Variants in HCFC2 observed in about 807,000 individuals in gnomAD.
HCFC2 encodes the protein host cell factor 2.
Under a neutral mutation model 89.2 loss-of-function variants are expected in HCFC2, and 18 were observed. The observed-to-expected ratio is 0.20, with a 90% CI of 0.14 to 0.30. The LOEUF is 0.30. HCFC2 is among the 10% of genes least tolerant of loss of function. HCFC2 has a pLI of 1.00. For missense variants in HCFC2, 578 were observed against 956.1 expected, an observed-to-expected ratio of 0.60 and a Z score of 5.21; for synonymous variants, 308 against 335.7, an observed-to-expected ratio of 0.92 and a Z score of 0.90.
rs1486358022 is a variant in HCFC2 at position 104,106,254 on chromosome 12, T to C, written c.*2981T>C. 6.6e-6 allele frequency: 1 copy of C among 152,156 alleles called. No homozygotes were observed. Among genetic ancestry groups the C allele is most frequent in the Non-Finnish European group, 1.5e-5 (1 of 67,966 alleles). 9.4% of individuals were successfully genotyped at this position (152,156 alleles called of 1,614,324 possible). A position where few individuals can be genotyped will look rare whatever the true frequency, so the allele number is the denominator to read the frequency against. On this transcript the variant is annotated 3_prime_UTR_variant, in exon 15 of 15. Coordinates refer to ENST00000229330, the MANE Select transcript of HCFC2 (RefSeq NM_013320.3). ...AGCAAAGATTCATTCTGATTAGAAA[T>C]AAGGTCTATAGCTAAAGATATTTTT...
At chr12:104,074,500 T>G (rs998342846) in intron 3 of HCFC2, among the ~76,000 whole-genome samples, 3 of 152,152 alleles carry the variant, frequency 2.0e-5, no homozygotes, top group African/African-American at 7.2e-5. Context: ...TTTATTTTTC[T>G]CTCTTTTGAA....
chr12:104,072,481 T>C (rs1298174852), intron 3 of HCFC2, among the ~76,000 whole-genome samples: 1 of 152,122 alleles, frequency 6.6e-6, no homozygotes, highest in Non-Finnish European at 1.5e-5. Flanking sequence ...TAATATTGGG[T>C]CTGCCAATTC....
chr12:104,093,405 G>C lies in HCFC2; in HGVS notation c.1304G>C (p.Ser435Thr). Reference protein sequence around the residue: ...VPNSINDTINSTKTEQPATKE... With the variant: ...VPNSINDTINTTKTEQPATKE... ...TTGTAGATCAATGATACAATAAACA[G>C]CACAAAAACTGAACAGCCAGCCACA... Residue 435 changes from serine to threonine, a missense_variant, in exon 10 of 15, where the codon AGC (serine) becomes ACC (threonine). Transcript: ENST00000229330. 1.2e-6 allele frequency: 2 copies of C among 1,612,412 alleles called. No individual in the cohort carries two copies. Among genetic ancestry groups the C allele is most frequent in the Non-Finnish European group, 1.7e-6 (2 of 1,179,102 alleles).
At chr12:104,066,068 C>A in intron 1 of HCFC2, 99 bp from the exon 2 acceptor site, 1 of 1,182,514 alleles carries the variant, frequency 8.5e-7, no homozygotes. Context: ...CAGAATCATC[C>A]CCAGTTGAGA....
chr12:104,097,054 G>C (rs1397869198), intron 12 of HCFC2, among the ~76,000 whole-genome samples: 4 of 152,084 alleles, frequency 2.6e-5, no homozygotes, highest in Non-Finnish European at 5.9e-5. Context: ...TGCCAGGAAA[G>C]TGCCTTACAA....
chr12:104,099,249 G>A (rs897777653), intron 13 of HCFC2, among the ~76,000 whole-genome samples: 23 of 151,998 alleles, frequency 1.5e-4, no homozygotes, highest in African/African-American at 5.6e-4. Flanking sequence ...TACTAAGGGG[G>A]GATGGTGCTA....
chr12:104,098,666 A>G (rs1004921805), intron 13 of HCFC2, among the ~76,000 whole-genome samples, 186 bp downstream of exon 13: 5 of 152,230 alleles, frequency 3.3e-5, no homozygotes, highest in Non-Finnish European at 5.9e-5. Context: ...AGAATTCTGT[A>G]TACCAAATGT....
chr12:104,102,219 C>A, intron 14 of HCFC2, 66 bp downstream of exon 14: 2 of 1,370,546 alleles, frequency 1.5e-6, no homozygotes, highest in South Asian at 2.9e-5. Flanking sequence ...GTGAAGTAAA[C>A]TGTCAGTTTA....
chr12:104,090,449 G>A (rs1236983247), intron 9 of HCFC2, among the ~76,000 whole-genome samples: 2 of 151,850 alleles, frequency 1.3e-5, no homozygotes, highest in Admixed American at 6.6e-5. Context: ...CATTGTTCGG[G>A]AAACTCATGA....
At position 104,064,752 on chromosome 12, in the gene HCFC2, G is replaced by A. The variant is rs1457100619; in HGVS notation, c.163+29G>A. ...GGCGCGGCGGCGGCTCGTCGGCCCC[G>A]CCTGCTGGAGCTGCGGAGGGGGAGG... On this transcript the variant is annotated intron_variant, in intron 1 of 14. Coordinates refer to ENST00000229330, the MANE Select transcript of HCFC2 (RefSeq NM_013320.3). This position sits in a 1 kb window ranked among gnomAD's most constrained non-coding sequence, Gnocchi z 7.3. The A allele has an allele frequency of 1.9e-6, 3 of 1,541,596 alleles. No homozygotes were observed. The highest frequency in any genetic ancestry group is 2.4e-5 in the South Asian group (2 of 83,874).
chr12:104,072,813 T>G (rs1301188275), intron 3 of HCFC2, among the ~76,000 whole-genome samples: 1 of 151,518 alleles, frequency 6.6e-6, no homozygotes, highest in Non-Finnish European at 1.5e-5. Flanking sequence ...CAGCTAATTT[T>G]TTTTGTATTT....
In HCFC2 at chr12:104,072,764, T is replaced by A. The variant is rs376076907; in HGVS notation, c.473+4657T>A. Reference sequence around the variant, plus strand: ...TTCACGCCATTCTCCTGCCTCAGCCTCCCGAGTAGCTGGGACTACAGGCGC... The same window carrying A: ...TTCACGCCATTCTCCTGCCTCAGCCACCCGAGTAGCTGGGACTACAGGCGC... On this transcript the variant is annotated intron_variant, in intron 3 of 14. Coordinates refer to ENST00000229330, the MANE Select transcript of HCFC2 (RefSeq NM_013320.3). Among the ~76,000 whole-genome samples the A allele has an allele frequency of 1.1e-4, 17 of 152,084 alleles. 1 individual carries two copies. Among genetic ancestry groups the A allele is most frequent in the African/African-American group, 4.1e-4 (17 of 41,484 alleles).
rs150909028 is a variant in HCFC2, at chr12:104,067,989, C to T, written c.355C>T (p.Pro119Ser). The change falls in exon 3 of 15, where the codon CCT becomes TCT. Residue 119 changes from proline (P) to serine (S), a missense_variant. Around this residue, in one of 4 missense-constraint regions of HCFC2, gnomAD observed 206 missense variants for 419.2 expected, o/e 0.49. Coordinates refer to ENST00000229330, the MANE Select transcript of HCFC2 (RefSeq NM_013320.3). The part of the protein sequence containing the change: ...LWKKVKPHPP[P>S]SGLPPCPRLG... ...GAAAAAAGTGAAACCCCATCCCCCTCCTTCTGGTTTACCTCCTTGTCCTCG... is the reference window on the plus strand; with the variant it reads ...GAAAAAAGTGAAACCCCATCCCCCTTCTTCTGGTTTACCTCCTTGTCCTCG... 8,574 of 1,606,946 alleles carry T rather than the reference C, an allele frequency of 5.3e-3. 328 individuals are homozygous for T. The South Asian group carries it at 0.072, about 13-fold the overall frequency.
chr12:104,064,683 A>G lies in HCFC2; in HGVS notation c.123A>G (p.Gly41=). 1.3e-6 allele frequency: 2 copies of G among 1,573,716 alleles called. No individual in the cohort carries two copies. The highest frequency in any genetic ancestry group is 8.6e-7 in the Non-Finnish European group (1 of 1,162,362). ...AGCTGATGATCATCTTTGGAGGGGG[A>G]AATGAGGGCATCGCGGATGAGCTGC... ...IRELMIIFGG[G]NEGIADELHV... is the part of the protein sequence containing the mutation. Residue 41 remains glycine, a synonymous_variant, in exon 1 of 15, where the codon GGA becomes GGG. Transcript: ENST00000229330. This position sits in a 1 kb window ranked among gnomAD's most constrained non-coding sequence, Gnocchi z 7.3.
chr12:104,101,905 T>A, intron 13 of HCFC2, 63 bp from the exon 14 acceptor site: 1 of 1,049,572 alleles, frequency 9.5e-7, no homozygotes, highest in Non-Finnish European at 1.3e-6. Flanking sequence ...AATTGAATAA[T>A]TTTTAAAATT....
intron 3 of HCFC2, among the ~76,000 whole-genome samples, chr12:104,069,191 C>G (rs1883243287): frequency 6.6e-6 from 1 of 152,232 alleles, no homozygotes; most frequent in East Asian, 1.9e-4. Flanking sequence ...CCTGTGGTCA[C>G]AGCTACTCAG....
At chr12:104,099,291 C>A (rs2136629398) in intron 13 of HCFC2, among the ~76,000 whole-genome samples, 1 of 152,264 alleles carries the variant, frequency 6.6e-6, no homozygotes, top group South Asian at 2.1e-4. Flanking sequence ...CCCTACGATC[C>A]AATCACCTCC....
At chr12:104,069,980 G>A (rs1883269455) in intron 3 of HCFC2, among the ~76,000 whole-genome samples, 1 of 152,026 alleles carries the variant, frequency 6.6e-6, no homozygotes, top group African/African-American at 2.4e-5. Flanking sequence ...TTAGTTTGCT[G>A]AGAATGATGG....
At chr12:104,098,122 T>C in intron 12 of HCFC2, 1 of 423,802 alleles carries the variant, frequency 2.4e-6, no homozygotes. Flanking sequence ...AGTACAGAGC[T>C]ACTGACTTGG....
Sources: gnomAD v4.1 joint callset for allele counts (sites outside exome capture counted in the v4.1 genomes callset) on GRCh38, gnomAD v4.1.1 for gene constraint, gnomAD v4.1.1 regional missense constraint, Gnocchi (gnomAD v3.1) non-coding constraint, MANE v1.5 for transcripts, NCBI Gene and HGNC (gene_info 2026-07-23, HGNC 2026-07-21) for gene names.